The following KCNIP1 variants were observed in gnomAD, a reference collection of about 807,000 sequenced individuals.
The protein encoded by KCNIP1 is A-type potassium channel modulatory protein KCNIP1.
KCNIP1 carries 18 observed loss-of-function variants against 33.0 expected under a neutral mutation model. The ratio of observed to expected loss-of-function variants is 0.55; its 90% CI spans 0.38 to 0.81. KCNIP1 has a LOEUF of 0.81. KCNIP1 is among the 30% of genes least tolerant of loss of function. KCNIP1 has a pLI of 0.00. For missense variants in KCNIP1, 238 were observed against 271.6 expected, an observed-to-expected ratio of 0.88 and a Z score of 0.87; for synonymous variants, 93 against 98.3, an observed-to-expected ratio of 0.95 and a Z score of 0.32.
chr5:170,433,682 T>G (rs1321872850), intron 1 of KCNIP1, among the ~76,000 whole-genome samples: 4 of 152,232 alleles, frequency 2.6e-5, no homozygotes. Flanking sequence ...CCAGATCATT[T>G]GGTAGCCAAG....
intron 1 of KCNIP1, among the ~76,000 whole-genome samples, chr5:170,532,310 G>T (rs1208004896): frequency 1.3e-5 from 2 of 152,132 alleles, no homozygotes; most frequent in African/African-American, 4.8e-5. Flanking sequence ...GTCAACTTAG[G>T]TTCCCCTCCC....
intron 1 of KCNIP1, chr5:170,385,577 CTT>C: frequency 1.9e-6 from 2 of 1,048,790 alleles, no homozygotes; most frequent in East Asian, 2.6e-5. Context: ...TAATATCACT[CTT>C]GTTTATATTT....
chr5:170,395,061 A>G (rs939520076), intron 1 of KCNIP1, among the ~76,000 whole-genome samples: 2 of 152,208 alleles, frequency 1.3e-5, no homozygotes, highest in Admixed American at 6.5e-5. Context: ...ATAAATGTAC[A>G]AGTGCAGGTC....
At chr5:170,368,781 C>A (rs1763769041) in intron 1 of KCNIP1, among the ~76,000 whole-genome samples, 1 of 152,210 alleles carries the variant, frequency 6.6e-6, no homozygotes, top group South Asian at 2.1e-4. Flanking sequence ...GCACTCCCAG[C>A]CCTAACCCCA....
chr5:170,427,120 GCCTCC>G, intron 1 of KCNIP1, among the ~76,000 whole-genome samples: 1 of 152,356 alleles, frequency 6.6e-6, no homozygotes, highest in Middle Eastern at 3.4e-3. Flanking sequence ...GAGAGTCATG[GCCTCC>G]CAGAGCCTCT....
At chr5:170,504,012 G>A (rs1754596063), upstream of KCNIP1, 3 of 825,754 alleles carry the variant, frequency 3.6e-6, no homozygotes, top group Middle Eastern at 6.3e-4. The surrounding 1 kb of genome is among the most constrained non-coding windows in gnomAD (Gnocchi z 6.0). Context: ...CGCCCCCTCC[G>A]CCGCTCCGAC....
chr5:170,599,826 G>T (rs1022046431), intron 1 of KCNIP1, among the ~76,000 whole-genome samples: 2 of 152,210 alleles, frequency 1.3e-5, no homozygotes, highest in African/African-American at 4.8e-5. Context: ...GAGGACAAAA[G>T]AGGACTTAGT....
intron 1 of KCNIP1, among the ~76,000 whole-genome samples, chr5:170,441,910 C>G: frequency 6.9e-6 from 1 of 144,722 alleles, no homozygotes; most frequent in South Asian, 2.2e-4. Context: ...CAAGATCGTG[C>G]CACTGCACTC....
chr5:170,443,512 T>C (rs1350991447), intron 1 of KCNIP1, among the ~76,000 whole-genome samples: 1 of 152,160 alleles, frequency 6.6e-6, no homozygotes, highest in Non-Finnish European at 1.5e-5. Flanking sequence ...CAAGAACAGG[T>C]AGAATGATTA....
intron 1 of KCNIP1, among the ~76,000 whole-genome samples, chr5:170,560,236 C>T (rs571739060): frequency 2.0e-5 from 3 of 152,070 alleles, no homozygotes; most frequent in Non-Finnish European, 2.9e-5. Context: ...AGAAAGCACA[C>T]GAGAGCATTC....
intron 1 of KCNIP1, among the ~76,000 whole-genome samples, chr5:170,534,702 G>A (rs1427433540): frequency 6.6e-6 from 1 of 151,542 alleles, no homozygotes; most frequent in African/African-American, 2.4e-5. Flanking sequence ...TTTATTTTTT[G>A]TAGAAATGGG....
intron 1 of KCNIP1, among the ~76,000 whole-genome samples, chr5:170,419,793 G>C (rs1190703996): frequency 1.3e-5 from 2 of 152,196 alleles, no homozygotes; most frequent in Non-Finnish European, 2.9e-5. Context: ...TCCTACATCT[G>C]ACCCTCACAG....
intron 1 of KCNIP1, chr5:170,639,343 C>G (rs2113692956): frequency 6.6e-6 from 1 of 152,316 alleles, no homozygotes; most frequent in Non-Finnish European, 1.5e-5. Flanking sequence ...AATAAGATAT[C>G]AAACTCTGAA....
At chr5:170,365,560 C>T (rs72835794) in intron 1 of KCNIP1, among the ~76,000 whole-genome samples, 16,935 of 152,246 alleles carry the variant, frequency 0.11, 1,100 homozygotes, top group East Asian at 0.2. Context: ...TTCCAGTGTG[C>T]TCTGCTCCAT....
chr5:170,392,652 G>C (rs557732990), intron 1 of KCNIP1, among the ~76,000 whole-genome samples: 1 of 152,096 alleles, frequency 6.6e-6, no homozygotes, highest in Non-Finnish European at 1.5e-5. Context: ...GCGAAACCCC[G>C]TTTCTACTAA....
chr5:170,372,991 C>T (rs1763887629), intron 1 of KCNIP1, among the ~76,000 whole-genome samples: 1 of 152,138 alleles, frequency 6.6e-6, no homozygotes, highest in Non-Finnish European at 1.5e-5. Flanking sequence ...ATGCAGCTGG[C>T]CTGGGAAGGA....
chr5:170,636,222 G>A (rs111558182), intron 1 of KCNIP1, among the ~76,000 whole-genome samples: 38 of 152,340 alleles, frequency 2.5e-4, no homozygotes, highest in African/African-American at 5.3e-4. Flanking sequence ...GAATTGTGGC[G>A]TCATTGGCGT....
Position 170,718,787 on chromosome 5 carries a change from A to C in KCNIP1, c.91A>C (p.Met31Leu), listed in dbSNP as rs781715532. 7 of 1,613,018 alleles carry C rather than the reference A, an allele frequency of 4.3e-6. No individual in the cohort carries two copies. The highest frequency in any genetic ancestry group is 5.9e-6 in the Non-Finnish European group (7 of 1,179,672). The change falls in exon 2 of 8, where the codon ATG becomes CTG. Residue 31 changes from methionine to leucine, a missense_variant. Transcript: ENST00000328939. Reference sequence around the variant, plus strand: ...GATTGAAGATGAGCTGGAGATGACCATGGTTTGCCATCGGCCCGAGGGACT... The same window carrying C: ...GATTGAAGATGAGCTGGAGATGACCCTGGTTTGCCATCGGCCCGAGGGACT... ...DKIEDELEMT[M>L]VCHRPEGLEQ...
chr5:170,438,186 G>T (rs1755907821), intron 1 of KCNIP1, among the ~76,000 whole-genome samples: 3 of 152,174 alleles, frequency 2.0e-5, no homozygotes, highest in South Asian at 2.1e-4. Flanking sequence ...CTTGTTAGTG[G>T]CTTCTCCTTC....
Sources: gnomAD v4.1 joint callset for allele counts (sites outside exome capture counted in the v4.1 genomes callset) on GRCh38, gnomAD v4.1.1 for gene constraint, Gnocchi (gnomAD v3.1) non-coding constraint, MANE v1.5 for transcripts, NCBI Gene and HGNC (gene_info 2026-07-23, HGNC 2026-07-21) for gene names.